Variants in ANKRD30B observed in about 807,000 individuals in gnomAD.
ANKRD30B encodes the protein ankyrin repeat domain 30B, also known as ankyrin repeat domain-containing protein 30B.
ANKRD30B carries 144 observed loss-of-function variants against 202.2 expected under a neutral mutation model. The observed-to-expected ratio is 0.71, with a 90% CI of 0.62 to 0.82. ANKRD30B has a LOEUF of 0.82. Among genes scored for constraint, ANKRD30B ranks in the 40% least tolerant of loss-of-function variants. The pLI is 0.00. For synonymous variants in ANKRD30B, 508 were observed against 561.3 expected (o/e 0.91, Z 1.34); for missense variants, 1,487 against 1,669.1 (o/e 0.89, Z 1.90).
chr18:14,830,374 A>G (rs1970855783), intron 33 of ANKRD30B: 1 of 152,546 alleles, frequency 6.6e-6, no homozygotes, highest in South Asian at 2.1e-4. Context: ...AAGGAAAAGT[A>G]TAAAATAAGT....
chr18:14,772,093 T>G (rs1032649779), intron 8 of ANKRD30B, 63 bp from the exon 9 acceptor site: 9 of 1,060,380 alleles, frequency 8.5e-6, no homozygotes, highest in Non-Finnish European at 1.2e-5. Flanking sequence ...AGATATGAAC[T>G]AGCAGATTTT....
chr18:14,931,390 C>A, the ANKRD30B span, among the ~76,000 whole-genome samples: 1 of 152,164 alleles, frequency 6.6e-6, no homozygotes, highest in African/African-American at 2.4e-5. Flanking sequence ...TGTCAAACAC[C>A]CATTTCTGTT....
At position 14,778,064 on chromosome 18, in the gene ANKRD30B, A is replaced by T; in HGVS notation, c.1409A>T (p.His470Leu). The change falls in exon 10 of 44, where the codon CAC (histidine) becomes CTC (leucine). Residue 470 changes from histidine to leucine, a missense_variant. Transcript: ENST00000690538. The part of the protein sequence containing the change: ...TYQKDIKTIN[H>L]KIEDQMFPSE... The stretch of plus-strand genomic sequence containing the variant: ...CAAAAAGATATCAAAACAATAAATC[A>T]CAAAATAGAAGGTAAGAACCATTTT... The T allele has an allele frequency of 6.5e-7, 1 of 1,542,428 alleles. No homozygotes were observed. The highest frequency in any genetic ancestry group is 8.8e-7 in the Non-Finnish European group (1 of 1,140,228).
the ANKRD30B span, among the ~76,000 whole-genome samples, chr18:14,930,229 C>G: frequency 1.3e-5 from 2 of 152,174 alleles, no homozygotes; most frequent in East Asian, 3.9e-4. Flanking sequence ...CCCTGAGAGG[C>G]TGGGCCGACA....
chr18:14,850,334 C>T lies in ANKRD30B; in HGVS notation c.3516C>T (p.Leu1172=). ...LEVKQQLEQT[L]RIQDIELKSV... ...TGAAACAACAACTTGAACAGACTCT[C>T]AGAATACAAGATATAGAATTGAAAA... Residue 1172 remains leucine (L), a synonymous_variant, in exon 41 of 44, where the codon CTC becomes CTT. Coordinates refer to ENST00000690538, the MANE Select transcript of ANKRD30B (RefSeq NM_001367607.2). The T allele has an allele frequency of 1.9e-6, 3 of 1,589,430 alleles. No individual in the cohort carries two copies. The highest frequency in any genetic ancestry group is 2.6e-6 in the Non-Finnish European group (3 of 1,170,114).
At chr18:14,806,976 C>A (rs1362362326) in intron 24 of ANKRD30B, among the ~76,000 whole-genome samples, 1 of 150,832 alleles carries the variant, frequency 6.6e-6, no homozygotes, top group Non-Finnish European at 1.5e-5. Flanking sequence ...GTAATTAAAG[C>A]GGGTTTTTAT....
At chr18:14,909,156 C>T in the ANKRD30B span, among the ~76,000 whole-genome samples, 4 of 152,172 alleles carry the variant, frequency 2.6e-5, no homozygotes, top group African/African-American at 9.7e-5. Context: ...GTCTGGGACA[C>T]AGGACATCTG....
chr18:14,754,793 A>G, intron 3 of ANKRD30B, 106 bp from the exon 4 acceptor site: 2 of 740,724 alleles, frequency 2.7e-6, no homozygotes, highest in Non-Finnish European at 3.9e-6. Flanking sequence ...TTACTTATTT[A>G]CTTTCTACTT....
rs931134155 is a variant in ANKRD30B, at chr18:14,797,798, A to C, written c.1973A>C (p.Lys658Thr). The C allele has an allele frequency of 2.6e-6, 4 of 1,557,542 alleles. No individual in the cohort carries two copies. In the African/African-American group the frequency reaches 5.5e-5, roughly 21 times the overall value. ...CCCATTTAGCCTACCTGTGGAAGGA[A>C]AGTTTCTCTTCCAAATAAAGCCTTA... ...DGLLKPTCGRKVSLPNKALEL... is the reference protein window; with the variant it reads ...DGLLKPTCGRTVSLPNKALEL... Residue 658 changes from lysine to threonine, a missense_variant, in exon 20 of 44, where the codon AAA becomes ACA. Lys to Thr is a moderately conservative substitution (Grantham distance 78, BLOSUM62 -1). Coordinates refer to ENST00000690538, the MANE Select transcript of ANKRD30B (RefSeq NM_001367607.2).
the ANKRD30B span, among the ~76,000 whole-genome samples, chr18:14,860,841 A>G: frequency 6.6e-6 from 1 of 151,910 alleles, no homozygotes; most frequent in East Asian, 2.0e-4. Context: ...AGTAGCTGGG[A>G]TTGCAGGTGT....
In ANKRD30B at chr18:14,748,495, T is replaced by C; in HGVS notation, c.76T>C (p.Tyr26His). The change falls in exon 1 of 44, where the codon TAC becomes CAC. Residue 26 changes from tyrosine (Y) to histidine (H), a missense_variant. Transcript: ENST00000690538. ...EPPNPFSERV[Y>H]TEKDYGTIYF... is the part of the protein sequence containing the mutation. The stretch of plus-strand genomic sequence containing the variant: ...CCCGAACCCCTTCAGCGAACGGGTC[T>C]ACACTGAGAAGGACTACGGGACCAT... 1 of 1,551,260 alleles carries C rather than the reference T, an allele frequency of 6.4e-7. No homozygotes were observed. Among genetic ancestry groups the C allele is most frequent in the African/African-American group, 1.4e-5 (1 of 73,088 alleles).
the ANKRD30B span, among the ~76,000 whole-genome samples, chr18:14,935,483 C>G: frequency 6.6e-6 from 1 of 152,350 alleles, no homozygotes; most frequent in Non-Finnish European, 1.5e-5. Context: ...ACTCCAAGCT[C>G]CTTCCCTACG....
intron 18 of ANKRD30B, 114 bp downstream of exon 18, chr18:14,796,529 T>G (rs759475071): frequency 4.7e-6 from 6 of 1,280,000 alleles, no homozygotes; most frequent in Non-Finnish European, 6.4e-6. Flanking sequence ...TGGGAAAATT[T>G]GAAACAAATA....
At chr18:14,822,577 T>C (rs1239776648) in intron 31 of ANKRD30B, 28 bp from the exon 32 acceptor site, 3 of 1,114,768 alleles carry the variant, frequency 2.7e-6, no homozygotes, top group Non-Finnish European at 4.0e-6. Context: ...CATTATATAG[T>C]AATTATTGTG....
intron 39 of ANKRD30B, among the ~76,000 whole-genome samples, chr18:14,847,259 C>G (rs1224529888): frequency 6.6e-6 from 1 of 151,454 alleles, no homozygotes; most frequent in Non-Finnish European, 1.5e-5. Context: ...CACAACTCAC[C>G]TTCAAGTAAT....
intron 30 of ANKRD30B, among the ~76,000 whole-genome samples, chr18:14,820,716 C>T (rs1970370674): frequency 1.3e-5 from 2 of 152,002 alleles, no homozygotes; most frequent in South Asian, 2.1e-4. Context: ...ATGAAGCCCA[C>T]TTGATCATGG....
At chr18:14,940,813 A>T in the ANKRD30B span, among the ~76,000 whole-genome samples, 2 of 152,160 alleles carry the variant, frequency 1.3e-5, no homozygotes, top group South Asian at 4.1e-4. Context: ...GCAGAAAAAT[A>T]GTTTTTTATT....
chr18:14,794,068 G>C (rs544694532), intron 16 of ANKRD30B, among the ~76,000 whole-genome samples: 4 of 152,194 alleles, frequency 2.6e-5, no homozygotes, highest in African/African-American at 9.6e-5. Context: ...TAAAATGCAA[G>C]GATGCACAGC....
chr18:14,840,373 A>C (rs1486884118), intron 36 of ANKRD30B, among the ~76,000 whole-genome samples: 2 of 152,062 alleles, frequency 1.3e-5, no homozygotes, highest in Non-Finnish European at 2.9e-5. Flanking sequence ...CCCTGTCTCT[A>C]TTAAAAATAC....
Sources: gnomAD v4.1 joint callset for allele counts (sites outside exome capture counted in the v4.1 genomes callset) on GRCh38, gnomAD v4.1.1 for gene constraint, MANE v1.5 for transcripts, NCBI Gene and HGNC (gene_info 2026-07-23, HGNC 2026-07-21) for gene names.